IPCEF1: variants seen among roughly 807,000 people sequenced by gnomAD.
The protein encoded by IPCEF1 is interactor protein for cytohesin exchange factors 1.
IPCEF1 carries 31 observed loss-of-function variants against 50.9 expected under a neutral mutation model. The ratio of observed to expected loss-of-function variants is 0.61; its 90% confidence interval spans 0.46 to 0.82. The LOEUF (loss-of-function observed/expected upper bound fraction) is 0.82, where lower values mean the gene tolerates loss of function less well. Ranked by LOEUF, IPCEF1 falls within the 40% of genes least tolerant of loss-of-function variation. IPCEF1 has a pLI of 0.00. For synonymous variants in IPCEF1, 181 were observed against 192.0 expected (o/e 0.94, Z 0.47); for missense variants, 458 against 514.0 (o/e 0.89, Z 1.05).
rs545212759 is a variant in IPCEF1 at position 154,212,167 on chromosome 6, T to C, written c.537+603A>G. On this transcript the variant is annotated intron_variant, in intron 9 of 11. Transcript: ENST00000367220. ...CCCTTCCTCGGGGCCATTACTGTAA[T>C]GCTAAGAGCATCTAAATATGAAGCT... 2.4e-3 allele frequency among the ~76,000 whole-genome samples: 361 copies of C among 152,346 alleles called. 1 individual carries two copies. The highest frequency in any genetic ancestry group is 8.5e-3 in the African/African-American group (355 of 41,584).
At chr6:154,217,996 C>G (rs1778548725) in intron 7 of IPCEF1, among the ~76,000 whole-genome samples, 1 of 152,310 alleles carries the variant, frequency 6.6e-6, no homozygotes, top group South Asian at 2.1e-4. Flanking sequence ...CCATTAGTTA[C>G]TTGCTGTGAA....
At chr6:154,346,784 A>C (rs1229506445) in intron 1 of IPCEF1, among the ~76,000 whole-genome samples, 1 of 152,208 alleles carries the variant, frequency 6.6e-6, no homozygotes, top group Non-Finnish European at 1.5e-5. Context: ...GAACAACATG[A>C]GGAACAGCCC....
At chr6:154,212,679 T>C (rs1176078258) in intron 9 of IPCEF1, 91 bp downstream of exon 9, 9 of 830,324 alleles carry the variant, frequency 1.1e-5, no homozygotes, top group African/African-American at 6.9e-5. Flanking sequence ...ATTCTAAAAA[T>C]TTATTGGTCA....
In IPCEF1 at chr6:154,263,983, C is replaced by T. The variant is rs568705673; in HGVS notation, c.36+1929G>A. 1.4e-3 allele frequency among the ~76,000 whole-genome samples: 158 copies of T among 112,314 alleles called. 1 individual carries two copies. Among genetic ancestry groups the T allele is most frequent in the African/African-American group, 5.3e-3 (152 of 28,580 alleles). 73.7% of individuals were successfully genotyped at this position (112,314 alleles called of 152,430 possible). A position where few individuals can be genotyped will look rare whatever the true frequency, so the allele number is the denominator to read the frequency against. ...GGCGCCCCTCACTTCCCGGATGGGG[C>T]GGCTGGCCGGGCGGGGGGCTGACCC... is the stretch of plus-strand genomic sequence containing the variant. On this transcript the variant is annotated intron_variant, in intron 3 of 11. Transcript: ENST00000367220.
At chr6:154,234,294 T>G (rs963347904) in intron 5 of IPCEF1, among the ~76,000 whole-genome samples, 16 of 151,952 alleles carry the variant, frequency 1.1e-4, no homozygotes, top group Non-Finnish European at 2.4e-4. Context: ...GCTCCCAGGG[T>G]TCCCCAGAAG....
rs183920040 is a variant in IPCEF1 at position 154,268,525 on chromosome 6, A to G, written c.-17-2561T>C. Among the ~76,000 whole-genome samples, 762 of 152,322 alleles carry G rather than the reference A, an allele frequency of 5.0e-3. 3 individuals are homozygous for G. The highest frequency in any genetic ancestry group is 0.017 in the African/African-American group (722 of 41,564). On this transcript the variant is annotated intron_variant, in intron 2 of 11. Transcript: ENST00000367220. ...ACCTCCCTCTTGGACCACTGCAAGA[A>G]CATCCTAACTGATGTCCCAGTTTCT...
At chr6:154,191,394 C>T (rs1329461384) in intron 10 of IPCEF1, among the ~76,000 whole-genome samples, 1 of 152,076 alleles carries the variant, frequency 6.6e-6, no homozygotes, top group Admixed American at 6.6e-5. Flanking sequence ...GAACCCCATG[C>T]CAGGCGCGGT....
intron 10 of IPCEF1, among the ~76,000 whole-genome samples, chr6:154,193,962 CTT>C (rs34447420): frequency 6.6e-6 from 1 of 151,892 alleles, no homozygotes; most frequent in African/African-American, 2.4e-5. Flanking sequence ...ACTTCAAAGA[CTT>C]TTTTTTGTCA....
rs1281255369 is a variant in IPCEF1, at chr6:154,154,591, A to G, written c.*5237T>C. On this transcript the variant is annotated 3_prime_UTR_variant, in exon 12 of 12. Coordinates refer to ENST00000367220, the MANE Select transcript of IPCEF1 (RefSeq NM_001130700.2). Reference sequence around the variant, plus strand: ...AGAGGGCACTGTAACCTTGTTGTAGACGATCAAAACGCAGCCATTAAACAC... The same window carrying G: ...AGAGGGCACTGTAACCTTGTTGTAGGCGATCAAAACGCAGCCATTAAACAC... 6.6e-6 allele frequency: 1 copy of G among 152,242 alleles called. No individual in the cohort carries two copies. The highest frequency in any genetic ancestry group is 1.5e-5 in the Non-Finnish European group (1 of 68,032). The allele number at this position is 152,242 out of a possible 1,614,324, so 9.4% of individuals were successfully genotyped here. A position where few individuals can be genotyped will look rare whatever the true frequency, so the allele number is the denominator to read the frequency against.
At chr6:154,307,047 C>T (rs572297153) in intron 1 of IPCEF1, among the ~76,000 whole-genome samples, 1 of 152,264 alleles carries the variant, frequency 6.6e-6, no homozygotes, top group Non-Finnish European at 1.5e-5. Flanking sequence ...GATCAAGGTG[C>T]CACAGGTTTG....
At chr6:154,340,452 T>A (rs189430608) in intron 1 of IPCEF1, among the ~76,000 whole-genome samples, 1 of 152,032 alleles carries the variant, frequency 6.6e-6, no homozygotes, top group Non-Finnish European at 1.5e-5. Context: ...GGTTTTGCCA[T>A]GTTGGCCAGG....
At chr6:154,201,847 A>G (rs1172597609) in intron 9 of IPCEF1, among the ~76,000 whole-genome samples, 1 of 152,224 alleles carries the variant, frequency 6.6e-6, no homozygotes, top group Non-Finnish European at 1.5e-5. Context: ...GTGAGCCAAG[A>G]TCACATGATT....
intron 5 of IPCEF1, among the ~76,000 whole-genome samples, chr6:154,226,925 A>C (rs1312562709): frequency 1.3e-5 from 2 of 152,236 alleles, no homozygotes; most frequent in Non-Finnish European, 2.9e-5. Context: ...GGCCAGGCGC[A>C]GTGGCTCACG....
intron 9 of IPCEF1, among the ~76,000 whole-genome samples, chr6:154,208,071 A>G (rs989341377): frequency 1.3e-5 from 2 of 152,054 alleles, no homozygotes; most frequent in African/African-American, 2.4e-5. Context: ...TGTCTGTTGC[A>G]CAGAGCAGAT....
chr6:154,323,234 G>T (rs1481732848), intron 1 of IPCEF1, among the ~76,000 whole-genome samples: 1 of 151,998 alleles, frequency 6.6e-6, no homozygotes, highest in Non-Finnish European at 1.5e-5. Context: ...AATCCACACA[G>T]CTGTCCCCTC....
intron 1 of IPCEF1, among the ~76,000 whole-genome samples, chr6:154,345,464 C>T (rs950769731): frequency 6.6e-6 from 1 of 152,104 alleles, no homozygotes; most frequent in African/African-American, 2.4e-5. Flanking sequence ...GTCTCCAGGA[C>T]CACGAAGCAC....
Position 154,247,575 on chromosome 6 carries a change from G to A in IPCEF1, c.37-87C>T. 3.6e-6 allele frequency: 4 copies of A among 1,110,122 alleles called. No individual in the cohort carries two copies. In the South Asian group the frequency reaches 3.9e-5, roughly 11 times the overall value. 68.8% of individuals were successfully genotyped at this position (1,110,122 alleles called of 1,614,324 possible). ...AGAGAAGGAGGGAGGAGGTGGCAGT[G>A]TTTATGAGCAGGATGGAATCTAAAA... On this transcript the variant is annotated intron_variant, in intron 3 of 11. Coordinates refer to ENST00000367220, the MANE Select transcript of IPCEF1 (RefSeq NM_001130700.2).
intron 10 of IPCEF1, among the ~76,000 whole-genome samples, chr6:154,186,538 A>G (rs1801365611): frequency 6.6e-6 from 1 of 151,862 alleles, no homozygotes; most frequent in African/African-American, 2.4e-5. Flanking sequence ...ACGGAGCCAG[A>G]GCAGCTCCTT....
intron 1 of IPCEF1, among the ~76,000 whole-genome samples, chr6:154,339,994 A>C (rs1182542704): frequency 6.6e-6 from 1 of 152,184 alleles, no homozygotes; most frequent in Non-Finnish European, 1.5e-5. Context: ...GTGGGGATCC[A>C]GAGTTAGATC....
Sources: allele counts gnomAD v4.1 joint callset (sites outside exome capture counted in the v4.1 genomes callset), GRCh38; gene constraint gnomAD v4.1.1; transcripts MANE v1.5; gene names NCBI Gene and HGNC (gene_info 2026-07-23, HGNC 2026-07-21).